Variants in SCHIP1 observed in about 807,000 individuals in gnomAD.
SCHIP1 encodes the protein schwannomin interacting protein 1.
A neutral mutation model predicts 29.7 loss-of-function variants in SCHIP1; 8 were observed. That is an observed-to-expected ratio of 0.27 (90% CI 0.16 to 0.49). The LOEUF (loss-of-function observed/expected upper bound fraction) is 0.49, where lower values mean the gene tolerates loss of function less well. SCHIP1 is among the 20% of genes least tolerant of loss of function. The pLI is 0.99. For missense variants in SCHIP1, 193 were observed against 294.6 expected (o/e 0.66, Z 2.52); for synonymous variants, 76 against 94.9 (o/e 0.80, Z 1.16).
intron 1 of SCHIP1, among the ~76,000 whole-genome samples, chr3:159,859,807 C>T (rs1713824755): frequency 6.6e-6 from 1 of 152,246 alleles, no homozygotes. Context: ...AGTGCCTATG[C>T]TAGCATCATC....
the SCHIP1 span, chr3:159,399,042 C>T: frequency 1.7e-6 from 1 of 577,294 alleles, no homozygotes. Flanking sequence ...AACCCTCACT[C>T]CCCTCCAGCT....
At chr3:159,621,523 T>G in the SCHIP1 span, among the ~76,000 whole-genome samples, 3 of 152,184 alleles carry the variant, frequency 2.0e-5, no homozygotes, top group Non-Finnish European at 2.9e-5. Flanking sequence ...CAACTTGGAG[T>G]GAAACCATTG....
chr3:159,461,832 C>T, the SCHIP1 span, among the ~76,000 whole-genome samples: 2 of 152,080 alleles, frequency 1.3e-5, no homozygotes, highest in African/African-American at 2.4e-5. Flanking sequence ...AAAGATAATA[C>T]ACGTTCATTG....
chr3:159,360,573 C>A, the SCHIP1 span, among the ~76,000 whole-genome samples: 21 of 152,254 alleles, frequency 1.4e-4, no homozygotes, highest in Admixed American at 3.3e-4. Flanking sequence ...AGCTATGAAA[C>A]CTTACAAGCT....
the SCHIP1 span, among the ~76,000 whole-genome samples, chr3:159,502,163 A>G: frequency 6.6e-6 from 1 of 152,256 alleles, no homozygotes; most frequent in Non-Finnish European, 1.5e-5. Context: ...CTAACCAACT[A>G]TAAACCTGGT....
At chr3:159,756,003 A>T in the SCHIP1 span, among the ~76,000 whole-genome samples, 1 of 152,312 alleles carries the variant, frequency 6.6e-6, no homozygotes, top group African/African-American at 2.4e-5. Context: ...GGCTGCTTTC[A>T]CGGGCTGTTG....
the SCHIP1 span, among the ~76,000 whole-genome samples, chr3:159,346,006 C>T: frequency 6.6e-6 from 1 of 151,802 alleles, no homozygotes; most frequent in Non-Finnish European, 1.5e-5. Context: ...CCAGCCTGGC[C>T]AACAGAAGGA....
the SCHIP1 span, among the ~76,000 whole-genome samples, chr3:159,802,068 C>T: frequency 6.6e-6 from 1 of 152,112 alleles, no homozygotes. Flanking sequence ...GGTCTATGGA[C>T]TTAAAATCCA....
chr3:159,366,203 C>T, the SCHIP1 span, among the ~76,000 whole-genome samples: 1 of 151,984 alleles, frequency 6.6e-6, no homozygotes, highest in Non-Finnish European at 1.5e-5. Flanking sequence ...TGGGAGGCGC[C>T]ACACACTTTT....
the SCHIP1 span, among the ~76,000 whole-genome samples, chr3:159,750,294 TATACACAC>T: frequency 2.2e-5 from 3 of 136,182 alleles, no homozygotes; most frequent in Admixed American, 7.5e-5. Flanking sequence ...TATATATATA[TATACACAC>T]ACACACACAC....
At chr3:159,759,500 A>C in the SCHIP1 span, among the ~76,000 whole-genome samples, 2 of 152,222 alleles carry the variant, frequency 1.3e-5, no homozygotes, top group African/African-American at 4.8e-5. Context: ...TAGTTCACTC[A>C]TTATTTATTC....
At chr3:159,345,226 C>CA in the SCHIP1 span, among the ~76,000 whole-genome samples, 43,644 of 116,906 alleles carry the variant, frequency 0.37, 8,319 homozygotes, top group East Asian at 0.59. Context: ...GACTCTGTCT[C>CA]AAAAAAAAAA....
the SCHIP1 span, among the ~76,000 whole-genome samples, chr3:159,409,649 G>A: frequency 6.6e-6 from 1 of 151,982 alleles, no homozygotes; most frequent in Admixed American, 6.6e-5. Context: ...ACAGAAATAT[G>A]GAAAGATATT....
At chr3:159,450,897 C>T in the SCHIP1 span, among the ~76,000 whole-genome samples, 1 of 149,822 alleles carries the variant, frequency 6.7e-6, no homozygotes, top group African/African-American at 2.5e-5. Flanking sequence ...CAAGCTCCAC[C>T]TCCTGGGTTC....
the SCHIP1 span, among the ~76,000 whole-genome samples, chr3:159,587,556 G>C: frequency 0.2 from 31,034 of 152,016 alleles, 8,624 homozygotes; most frequent in African/African-American, 0.63. Context: ...TGCCATGTTG[G>C]TGTGCTGCAC....
intron 5 of SCHIP1, among the ~76,000 whole-genome samples, chr3:159,889,771 G>T (rs905127269): frequency 1.3e-5 from 2 of 152,184 alleles, no homozygotes; most frequent in East Asian, 3.9e-4. Flanking sequence ...TATTTTAGGT[G>T]TGATAAAGGT....
chr3:159,322,421 A>G, the SCHIP1 span, among the ~76,000 whole-genome samples: 1 of 152,140 alleles, frequency 6.6e-6, no homozygotes, highest in African/African-American at 2.4e-5. Flanking sequence ...TCTCTGGCCC[A>G]TTTTGCTAAC....
chr3:159,437,675 A>G, the SCHIP1 span, among the ~76,000 whole-genome samples: 1 of 152,128 alleles, frequency 6.6e-6, no homozygotes, highest in Non-Finnish European at 1.5e-5. Context: ...ATTCAAGGTC[A>G]TTCTCTTGCC....
the SCHIP1 span, among the ~76,000 whole-genome samples, chr3:159,827,213 C>T: frequency 5.9e-5 from 9 of 152,122 alleles, no homozygotes; most frequent in African/African-American, 1.4e-4. Context: ...AAAGGATGTA[C>T]GAACAGTCCA....
Sources: allele counts gnomAD v4.1 joint callset (sites outside exome capture counted in the v4.1 genomes callset), GRCh38; gene constraint gnomAD v4.1.1; transcripts MANE v1.5; gene names NCBI Gene and HGNC (gene_info 2026-07-23, HGNC 2026-07-21).